The following TNNI3K variants were observed in gnomAD, a reference collection of about 807,000 sequenced individuals.
TNNI3K encodes the protein TNNI3 interacting kinase.
Under a neutral mutation model 114.5 loss-of-function variants are expected in TNNI3K, and 140 were observed. The observed-to-expected ratio is 1.22, with a 90% CI of 1.07 to 1.41. The LOEUF is 1.41. Ranked by LOEUF, TNNI3K falls within the 40% of genes most tolerant of loss-of-function variation. The probability of loss-of-function intolerance (pLI) is 0.00; values close to 1 mark genes in which losing one functional copy is unlikely to be tolerated. For missense variants in TNNI3K, 1,125 were observed against 1,007.6 expected, an observed-to-expected ratio of 1.12 and a Z score of -1.58; for synonymous variants, 347 against 347.5, an observed-to-expected ratio of 1.00 and a Z score of 0.02.
At chr1:74,436,774 A>G (rs753315574) in intron 19 of TNNI3K, among the ~76,000 whole-genome samples, 1 of 152,132 alleles carries the variant, frequency 6.6e-6, no homozygotes, top group Non-Finnish European at 1.5e-5. Context: ...TGTTTCAAAT[A>G]TAACTGAAAA....
At chr1:74,361,699 A>G (rs997752982) in intron 11 of TNNI3K, among the ~76,000 whole-genome samples, 3 of 152,138 alleles carry the variant, frequency 2.0e-5, no homozygotes, top group African/African-American at 7.2e-5. Flanking sequence ...GCAATGGTGA[A>G]CACAAAATTC....
chr1:74,343,978 C>A (rs539856735), intron 9 of TNNI3K, among the ~76,000 whole-genome samples: 37 of 152,068 alleles, frequency 2.4e-4, no homozygotes, highest in Non-Finnish European at 4.4e-4. Context: ...AAAATTAGTC[C>A]ATTTGCCTAC....
intron 23 of TNNI3K, among the ~76,000 whole-genome samples, chr1:74,530,682 G>T (rs1166042445): frequency 6.6e-6 from 1 of 151,882 alleles, no homozygotes; most frequent in Non-Finnish European, 1.5e-5. Flanking sequence ...AGGAAGTGAG[G>T]AGTGGGCCTT....
intron 17 of TNNI3K, among the ~76,000 whole-genome samples, chr1:74,415,857 A>T (rs890589581): frequency 3.3e-5 from 5 of 152,060 alleles, no homozygotes; most frequent in African/African-American, 1.2e-4. Flanking sequence ...TATGAGTGAG[A>T]TGAGAGTCCT....
rs143932383 is a variant in TNNI3K, at chr1:74,247,102, C to T, written c.150-2357C>T. 6.3e-3 allele frequency among the ~76,000 whole-genome samples: 962 copies of T among 152,246 alleles called. 11 individuals carry two copies. Among genetic ancestry groups the T allele is most frequent in the African/African-American group, 0.022 (918 of 41,516 alleles). On this transcript the variant is annotated intron_variant, in intron 2 of 24. Transcript: ENST00000326637. ...GTCTCACTGACTTCAAGAATGAAGC[C>T]GCGGACCCTCGCAGTGAGTGTTCAG... is the stretch of plus-strand genomic sequence containing the variant.
rs1655492290 is a variant in TNNI3K, at chr1:74,258,839, A to T, written c.333+8070A>T. On this transcript the variant is annotated intron_variant, in intron 4 of 24. Coordinates refer to ENST00000326637, the MANE Select transcript of TNNI3K (RefSeq NM_015978.3). ...GATCATATAGTAACATACGTTTAAA[A>T]TGAATATTTCCCTTTCTACTTTACT... Among the ~76,000 whole-genome samples, 4 of 152,226 alleles carry T rather than the reference A, an allele frequency of 2.6e-5. No homozygotes were observed. The South Asian group carries it at 8.3e-4, about 32-fold the overall frequency.
At chr1:74,456,775 T>G (rs909557868) in intron 20 of TNNI3K, among the ~76,000 whole-genome samples, 1 of 152,180 alleles carries the variant, frequency 6.6e-6, no homozygotes, top group Admixed American at 6.5e-5. Flanking sequence ...TTTAAGAACA[T>G]CTGCCAATTT....
At chr1:74,487,415 G>C (rs138236864) in intron 21 of TNNI3K, among the ~76,000 whole-genome samples, 15 of 152,268 alleles carry the variant, frequency 9.9e-5, no homozygotes, top group Admixed American at 3.9e-4. Flanking sequence ...AGAGTGAATG[G>C]ACTAGAAATA....
At chr1:74,355,467 G>A (rs1661603147) in intron 11 of TNNI3K, among the ~76,000 whole-genome samples, 2 of 152,104 alleles carry the variant, frequency 1.3e-5, no homozygotes, top group South Asian at 4.1e-4. Context: ...AGCTGGGTGT[G>A]GTGGCAGATG....
At chr1:74,375,828 T>G (rs1460939818) in intron 17 of TNNI3K, 3 of 262,752 alleles carry the variant, frequency 1.1e-5, no homozygotes, top group African/African-American at 6.6e-5. Flanking sequence ...TGTGCGTGAA[T>G]TAAACTTTTC....
chr1:74,512,417 A>G (rs1486732713), intron 23 of TNNI3K: 1 of 152,186 alleles, frequency 6.6e-6, no homozygotes, highest in Non-Finnish European at 1.5e-5. Flanking sequence ...CATCACCCAC[A>G]TGATCATCTG....
At chr1:74,286,047 T>C (rs944535052) in intron 5 of TNNI3K, among the ~76,000 whole-genome samples, 1 of 152,126 alleles carries the variant, frequency 6.6e-6, no homozygotes, top group Admixed American at 6.5e-5. Flanking sequence ...AGATGAGAGA[T>C]TATGGCATCT....
At position 74,323,654 on chromosome 1, in the gene TNNI3K, T is replaced by TTGTG. The variant is rs1287802467; in HGVS notation, c.445-7786_445-7783dup. On this transcript the variant is annotated intron_variant, in intron 5 of 24. Transcript: ENST00000326637. ...AAGAAAAACACGTGTGTGTGTGTGT[T>TTGTG]TGTGTGTGTGTGTTTCTAGTAGCAG... 1.1e-4 allele frequency among the ~76,000 whole-genome samples: 16 copies of TTGTG among 151,800 alleles called. No individual in the cohort carries two copies. In the East Asian group the frequency reaches 2.9e-3, roughly 28 times the overall value.
In TNNI3K at chr1:74,341,562, GT is replaced by G. The variant is rs761260220; in HGVS notation, c.683-1265del. ...GTCAAGTTTTTTTGTTTTTGTTTCT[GT>G]TTTTTTTTTTTTTTACTTTCAAGTA... On this transcript the variant is annotated intron_variant, in intron 7 of 24. Transcript: ENST00000326637. 879 of 131,924 alleles carry G rather than the reference GT, an allele frequency of 6.7e-3. 2 individuals carry two copies. Among genetic ancestry groups the G allele is most frequent in the African/African-American group, 0.012 (447 of 36,358 alleles). The allele number at this position is 131,924 out of a possible 1,614,324, so 8.2% of individuals were successfully genotyped here. A position where few individuals can be genotyped will look rare whatever the true frequency, so the allele number is the denominator to read the frequency against.
intron 11 of TNNI3K, among the ~76,000 whole-genome samples, chr1:74,360,532 G>C (rs967429032): frequency 6.6e-6 from 1 of 152,028 alleles, no homozygotes; most frequent in Admixed American, 6.6e-5. Context: ...CTGTGAGGCC[G>C]TGTCACTTCA....
chr1:74,271,485 T>G, intron 4 of TNNI3K, 113 bp from the exon 5 acceptor site: 1 of 956,248 alleles, frequency 1.0e-6, no homozygotes, highest in Non-Finnish European at 1.5e-6. Context: ...CACACTTAAG[T>G]TTCCTTTGAG....
intron 17 of TNNI3K, among the ~76,000 whole-genome samples, chr1:74,384,458 T>C (rs753007143): frequency 1.3e-5 from 2 of 152,140 alleles, no homozygotes; most frequent in Non-Finnish European, 2.9e-5. Context: ...TGAAGAAAAA[T>C]ACAACCTCCT....
chr1:74,317,059 T>G (rs1659353544), intron 5 of TNNI3K, among the ~76,000 whole-genome samples: 1 of 152,198 alleles, frequency 6.6e-6, no homozygotes, highest in South Asian at 2.1e-4. Context: ...TTTTATTTCC[T>G]TTTCTTTACT....
rs796114005 is a variant in TNNI3K at position 74,463,603 on chromosome 1, C to A, written c.2121+53C>A. On this transcript the variant is annotated intron_variant, in intron 21 of 24. Transcript: ENST00000326637. ...AATGTGTTATGGTCAAAATCTGTCA[C>A]AAATAGTATAACTCCAAAGTCTACT... 7.6e-6 allele frequency: 12 copies of A among 1,587,756 alleles called. 1 individual carries two copies. In the African/African-American group the frequency reaches 1.5e-4, roughly 20 times the overall value.
Sources: allele counts gnomAD v4.1 joint callset (sites outside exome capture counted in the v4.1 genomes callset), GRCh38; gene constraint gnomAD v4.1.1; transcripts MANE v1.5; gene names NCBI Gene and HGNC (gene_info 2026-07-23, HGNC 2026-07-21).